The following COL5A2 variants were observed in gnomAD, a reference collection of about 807,000 sequenced individuals.
COL5A2 encodes collagen type V alpha 2 chain, also known as collagen alpha-2(V) chain.
Under a neutral mutation model 208.2 loss-of-function variants are expected in COL5A2, and 23 were observed. That is an observed-to-expected ratio of 0.11 (90% CI 0.08 to 0.16). The LOEUF (loss-of-function observed/expected upper bound fraction) is 0.16, where lower values mean the gene tolerates loss of function less well. Ranked by LOEUF, COL5A2 falls within the 10% of genes least tolerant of loss-of-function variation. The probability of loss-of-function intolerance (pLI) is 1.00; values close to 1 mark genes in which losing one functional copy is unlikely to be tolerated. For missense variants in COL5A2, 1,590 were observed against 1,956.4 expected, an observed-to-expected ratio of 0.81 and a Z score of 3.53; for synonymous variants, 625 against 628.5, an observed-to-expected ratio of 0.99 and a Z score of 0.08.
At chr2:189,435,363 A>G in the COL5A2 span, among the ~76,000 whole-genome samples, 1 of 152,220 alleles carries the variant, frequency 6.6e-6, no homozygotes, top group African/African-American at 2.4e-5. Flanking sequence ...GCATAGCAAA[A>G]GAAACGACCA....
intron 48 of COL5A2, 107 bp from the exon 49 acceptor site, chr2:189,042,880 A>G: frequency 1.9e-6 from 2 of 1,076,634 alleles, no homozygotes; most frequent in Non-Finnish European, 2.8e-6. Context: ...CTACTTTGAT[A>G]AAGTCACCAA....
At chr2:189,188,581 G>T (rs754143993) in intron 1 of COL5A2, among the ~76,000 whole-genome samples, 23 of 152,310 alleles carry the variant, frequency 1.5e-4, no homozygotes, top group Non-Finnish European at 3.1e-4. Flanking sequence ...ATGAGTCAAG[G>T]CTTCCCCTGA....
At chr2:189,197,164 C>A (rs1051459708) in intron 1 of COL5A2, among the ~76,000 whole-genome samples, 6 of 152,124 alleles carry the variant, frequency 3.9e-5, no homozygotes, top group Non-Finnish European at 7.4e-5. Context: ...AAGCCATTAT[C>A]CTCAGCAAAC....
the COL5A2 span, among the ~76,000 whole-genome samples, chr2:189,407,313 G>C: frequency 3.9e-5 from 6 of 152,164 alleles, no homozygotes; most frequent in South Asian, 1.2e-3. Context: ...CCTTGAGCCT[G>C]GAAAGCTTAA....
intron 1 of COL5A2, among the ~76,000 whole-genome samples, chr2:189,123,580 A>T (rs1687552087): frequency 6.6e-6 from 1 of 152,156 alleles, no homozygotes; most frequent in African/African-American, 2.4e-5. Flanking sequence ...GTACTTTGTT[A>T]TCAAGCACCC....
chr2:189,235,269 G>A, the COL5A2 span, among the ~76,000 whole-genome samples: 2 of 151,674 alleles, frequency 1.3e-5, no homozygotes, highest in African/African-American at 2.4e-5. Flanking sequence ...ATGGCATAGA[G>A]GAGAACTATC....
intron 1 of COL5A2, among the ~76,000 whole-genome samples, chr2:189,200,571 C>T (rs957967491): frequency 2.1e-5 from 3 of 144,936 alleles, no homozygotes; most frequent in African/African-American, 7.7e-5. Flanking sequence ...GAAAAAAATA[C>T]TGAAGAGATA....
chr2:189,162,069 G>T (rs534735540), intron 1 of COL5A2, among the ~76,000 whole-genome samples: 1 of 152,136 alleles, frequency 6.6e-6, no homozygotes, highest in Non-Finnish European at 1.5e-5. Context: ...GGCCTTCCCT[G>T]AGCTCCCATC....
intron 17 of COL5A2, among the ~76,000 whole-genome samples, chr2:189,073,113 T>C (rs900505668): frequency 6.6e-6 from 1 of 152,184 alleles, no homozygotes. Context: ...ACTTTACTTT[T>C]GGCTAATAGC....
chr2:189,094,630 CACACACACACACACACAT>C (rs1425356017), intron 6 of COL5A2, among the ~76,000 whole-genome samples: 1 of 119,430 alleles, frequency 8.4e-6, no homozygotes, highest in African/African-American at 2.9e-5. Flanking sequence ...CACACACACA[CACACACACACACACACAT>C]AAATGTTATA....
chr2:189,074,777 T>A (rs1246458391), intron 17 of COL5A2, among the ~76,000 whole-genome samples: 1 of 152,206 alleles, frequency 6.6e-6, no homozygotes, highest in East Asian at 1.9e-4. Context: ...AGTCGGCCTC[T>A]GTTACTACCA....
At chr2:189,054,074 T>C (rs1685849560) in intron 36 of COL5A2, 85 bp downstream of exon 36, 3 of 1,409,560 alleles carry the variant, frequency 2.1e-6, no homozygotes, top group Non-Finnish European at 3.0e-6. Context: ...AGATACCATA[T>C]GTTATAAAAT....
At chr2:189,204,190 C>T (rs1202556637) in intron 1 of COL5A2, among the ~76,000 whole-genome samples, 1 of 152,210 alleles carries the variant, frequency 6.6e-6, no homozygotes, top group Non-Finnish European at 1.5e-5. Flanking sequence ...AGCCACCGCG[C>T]CCAGCCAGAA....
Position 189,085,712 on chromosome 2 carries a change from C to A in COL5A2, c.744+7G>T, listed in dbSNP as rs774993105. On this transcript the variant is annotated splice_region_variant and intron_variant, in intron 10 of 53. Coordinates refer to ENST00000374866, the MANE Select transcript of COL5A2 (RefSeq NM_000393.5). ...TAACTGGGTCTACATGCTTACTTGA[C>A]ATTTACCATTGGTCCAGGATCACCA... is the stretch of plus-strand genomic sequence containing the variant. 4 of 1,612,388 alleles carry A rather than the reference C, an allele frequency of 2.5e-6. No homozygotes were observed. Among genetic ancestry groups the A allele is most frequent in the South Asian group, 2.2e-5 (2 of 91,062 alleles).
chr2:189,093,534 CA>C (rs1361467343), intron 6 of COL5A2, among the ~76,000 whole-genome samples: 4 of 152,016 alleles, frequency 2.6e-5, no homozygotes, highest in Admixed American at 6.6e-5. Context: ...AGGGTGGCAT[CA>C]TAGCTATTCA....
chr2:189,107,530 C>G (rs1316852367), intron 2 of COL5A2, among the ~76,000 whole-genome samples: 1 of 151,196 alleles, frequency 6.6e-6, no homozygotes, highest in Non-Finnish European at 1.5e-5. Flanking sequence ...TTTTCAACTT[C>G]TGTTTTTATC....
Position 189,072,642 on chromosome 2 carries a change from G to C in COL5A2, c.1105-549C>G, listed in dbSNP as rs531443275. 2.0e-5 allele frequency among the ~76,000 whole-genome samples: 3 copies of C among 151,852 alleles called. No individual in the cohort carries two copies. The East Asian group carries it at 5.8e-4, about 30-fold the overall frequency. On this transcript the variant is annotated intron_variant, in intron 17 of 53. Transcript: ENST00000374866. ...CAAAAATTAGCTGGGTGTAGTGGCT[G>C]GCGCCTATAATCCCAGCTACTTGGG...
chr2:189,385,588 A>G, the COL5A2 span, among the ~76,000 whole-genome samples: 1 of 152,122 alleles, frequency 6.6e-6, no homozygotes, highest in African/African-American at 2.4e-5. Context: ...CTATCAAATT[A>G]CCAATGCCAT....
chr2:189,086,807 C>G (rs1326438158), intron 8 of COL5A2, 37 bp from the exon 9 acceptor site: 1 of 1,537,216 alleles, frequency 6.5e-7, no homozygotes, highest in African/African-American at 1.4e-5. Flanking sequence ...GCAAAGTACT[C>G]ATGACAATTA....
Sources: allele counts gnomAD v4.1 joint callset (sites outside exome capture counted in the v4.1 genomes callset), GRCh38; gene constraint gnomAD v4.1.1; transcripts MANE v1.5; gene names NCBI Gene and HGNC (gene_info 2026-07-23, HGNC 2026-07-21).